The following OPTN variants were observed in gnomAD, a reference collection of about 807,000 sequenced individuals.
The protein encoded by OPTN is E3-14.7K-interacting protein.
Under a neutral mutation model 70.4 loss-of-function variants are expected in OPTN, and 54 were observed. The ratio of observed to expected loss-of-function variants is 0.77; its 90% confidence interval spans 0.62 to 0.96. The LOEUF (loss-of-function observed/expected upper bound fraction) is 0.96, where lower values mean the gene tolerates loss of function less well. OPTN is among the 40% of genes least tolerant of loss of function. OPTN has a pLI of 0.00. For missense variants in OPTN, 624 were observed against 673.2 expected, an observed-to-expected ratio of 0.93 and a Z score of 0.81; for synonymous variants, 256 against 248.5, an observed-to-expected ratio of 1.03 and a Z score of -0.28.
At chr10:13,123,610 C>G (rs1833399455) in intron 8 of OPTN, among the ~76,000 whole-genome samples, 1 of 152,114 alleles carries the variant, frequency 6.6e-6, no homozygotes, top group South Asian at 2.1e-4. Context: ...GTTGAGTAAA[C>G]TAGAAACATA....
chr10:13,103,523 G>C (rs1393752796), intron 1 of OPTN, among the ~76,000 whole-genome samples: 2 of 152,194 alleles, frequency 1.3e-5, no homozygotes, highest in Non-Finnish European at 1.5e-5. Flanking sequence ...GACAGTGCCT[G>C]CTAAGGTCAC....
chr10:13,127,554 G>A (rs1278362055), intron 11 of OPTN, among the ~76,000 whole-genome samples, 191 bp from the exon 12 acceptor site: 2 of 151,850 alleles, frequency 1.3e-5, no homozygotes, highest in African/African-American at 2.4e-5. Context: ...TTTAGATCTC[G>A]CTATGTTGCC....
At chr10:13,116,074 G>T (rs1833200539) in intron 5 of OPTN, among the ~76,000 whole-genome samples, 193 bp from the exon 6 acceptor site, 1 of 152,134 alleles carries the variant, frequency 6.6e-6, no homozygotes, top group Non-Finnish European at 1.5e-5. Flanking sequence ...TCCCGACAGG[G>T]CGTGCCAGGT....
At chr10:13,126,681 G>A (rs897406870) in intron 11 of OPTN, among the ~76,000 whole-genome samples, 2 of 152,136 alleles carry the variant, frequency 1.3e-5, no homozygotes, top group Admixed American at 6.5e-5. Context: ...CAAGACCAGC[G>A]TGCCTGCTGT....
intron 13 of OPTN, 127 bp downstream of exon 13, chr10:13,132,324 G>C: frequency 2.2e-6 from 2 of 927,982 alleles, no homozygotes; most frequent in Non-Finnish European, 3.3e-6. Context: ...CTCCTGCCTA[G>C]GTGACAGAGC....
chr10:13,123,508 C>T (rs2131513107), intron 8 of OPTN, among the ~76,000 whole-genome samples: 1 of 152,256 alleles, frequency 6.6e-6, no homozygotes, highest in African/African-American at 2.4e-5. Flanking sequence ...AATTCAACAG[C>T]CAGTAGCAGG....
chr10:13,108,903 T>TGC (rs145112217), intron 2 of OPTN: 43 of 477,048 alleles, frequency 9.0e-5, no homozygotes, highest in East Asian at 3.5e-4. Context: ...CATGCACACA[T>TGC]GCGCGTGCAC....
chr10:13,132,274 T>A, intron 13 of OPTN, 77 bp downstream of exon 13: 2 of 1,546,104 alleles, frequency 1.3e-6, no homozygotes, highest in South Asian at 2.2e-5. Context: ...AAGACGTTCC[T>A]GATTTGAACT....
At position 13,105,504 on chromosome 10, in the gene OPTN, C is replaced by T. The variant is rs1295779392; in HGVS notation, c.-163-2634C>T. Reference sequence around the variant, plus strand: ...CTTAGCACGACCCCACTTTTTTCCTCGTATGCTTATAAAATCCGGGCAATG... The same window carrying T: ...CTTAGCACGACCCCACTTTTTTCCTTGTATGCTTATAAAATCCGGGCAATG... On this transcript the variant is annotated intron_variant, in intron 1 of 14. Transcript: ENST00000378747. Among the ~76,000 whole-genome samples the T allele has an allele frequency of 7.9e-5, 12 of 152,114 alleles. 1 individual carries two copies. Among genetic ancestry groups the T allele is most frequent in the Admixed American group, 6.5e-4 (10 of 15,280 alleles).
chr10:13,135,557 C>G (rs536706060), intron 14 of OPTN, among the ~76,000 whole-genome samples: 11 of 152,054 alleles, frequency 7.2e-5, no homozygotes, highest in Non-Finnish European at 1.6e-4. Flanking sequence ...ACACTCGTGC[C>G]TAACACTTTT....
At position 13,128,502 on chromosome 10, in the gene OPTN, C is replaced by CTTTTTTTTTTTTTTTTT. The variant is rs56147136; in HGVS notation, c.1401+615_1401+631dup. Among the ~76,000 whole-genome samples, 12 of 33,484 alleles carry CTTTTTTTTTTTTTTTTT rather than the reference C, an allele frequency of 3.6e-4. 1 individual carries two copies. Among genetic ancestry groups the CTTTTTTTTTTTTTTTTT allele is most frequent in the Admixed American group, 6.1e-4 (3 of 4,908 alleles). 22.0% of individuals were successfully genotyped at this position (33,484 alleles called of 152,430 possible). A position where few individuals can be genotyped will look rare whatever the true frequency, so the allele number is the denominator to read the frequency against. On this transcript the variant is annotated intron_variant, in intron 12 of 14. Coordinates refer to ENST00000378747, the MANE Select transcript of OPTN (RefSeq NM_001008212.2). ...TTGTGAAGTGCCTTATCAAGCCTGCCTTTTTTTTTTTTTTTTTTTTTTTTT... is the reference window on the plus strand; with the variant it reads ...TTGTGAAGTGCCTTATCAAGCCTGCCTTTTTTTTTTTTTTTTTTTTTTTTTTTTTTTTTTTTTTTTTT...
chr10:13,112,390 T>G, intron 4 of OPTN, 63 bp from the exon 5 acceptor site: 42 of 1,506,574 alleles, frequency 2.8e-5, no homozygotes, highest in Non-Finnish European at 3.5e-5. Context: ...ATTAAGGGCA[T>G]GAGCCCATGG....
rs999065370 is a variant in OPTN, at chr10:13,117,371, C to T, written c.626+1031C>T. Among the ~76,000 whole-genome samples the T allele has an allele frequency of 3.3e-5, 5 of 150,840 alleles. No homozygotes were observed. The East Asian group carries it at 5.9e-4, about 18-fold the overall frequency. ...CTGGGATTACAGGCATGAGCCACCGCGCCCGGCCAGGATCTCTTATCTCAC... is the reference window on the plus strand; with the variant it reads ...CTGGGATTACAGGCATGAGCCACCGTGCCCGGCCAGGATCTCTTATCTCAC... On this transcript the variant is annotated intron_variant, in intron 6 of 14. Coordinates refer to ENST00000378747, the MANE Select transcript of OPTN (RefSeq NM_001008212.2).
chr10:13,111,851 T>TG (rs1833008505), intron 4 of OPTN, among the ~76,000 whole-genome samples: 1 of 138,060 alleles, frequency 7.2e-6, no homozygotes, highest in Non-Finnish European at 1.6e-5. Context: ...ACTGTTTTTT[T>TG]TTTTTTTTTT....
intron 5 of OPTN, among the ~76,000 whole-genome samples, chr10:13,114,778 T>TTATATAATTATATAATTATATATACGTA (rs1564358648): frequency 1.0e-5 from 1 of 100,338 alleles, no homozygotes; most frequent in African/African-American, 4.2e-5. Context: ...AATTATATAA[T>TTATATAATTATATAATTATATATACGTA]TATATAATTA....
At chr10:13,127,352 A>G (rs1833488823) in intron 11 of OPTN, among the ~76,000 whole-genome samples, 1 of 152,196 alleles carries the variant, frequency 6.6e-6, no homozygotes, top group Non-Finnish European at 1.5e-5. Context: ...TGACTGCAGG[A>G]AGTAACAAGT....
chr10:13,130,797 A>T (rs1415505838), intron 12 of OPTN, among the ~76,000 whole-genome samples: 1 of 152,256 alleles, frequency 6.6e-6, no homozygotes, highest in African/African-American at 2.4e-5. Flanking sequence ...GTGAAAAATT[A>T]GTATTAAATT....
chr10:13,108,992 G>T, intron 2 of OPTN, 120 bp from the exon 3 acceptor site: 1 of 862,832 alleles, frequency 1.2e-6, no homozygotes, highest in Non-Finnish European at 2.0e-6. Context: ...AATGTAACTG[G>T]AGAGAAAGTG....
intron 3 of OPTN, 78 bp from the exon 4 acceptor site, chr10:13,110,196 G>C (rs1832965197): frequency 6.3e-7 from 1 of 1,578,708 alleles, no homozygotes; most frequent in Admixed American, 1.9e-5. Flanking sequence ...GTGGTCAAGT[G>C]GACTAGAGGG....
Sources: allele counts gnomAD v4.1 joint callset (sites outside exome capture counted in the v4.1 genomes callset), GRCh38; gene constraint gnomAD v4.1.1; transcripts MANE v1.5; gene names NCBI Gene and HGNC (gene_info 2026-07-23, HGNC 2026-07-21).